The following CNTNAP4 variants were observed in gnomAD, a reference collection of about 807,000 sequenced individuals.
CNTNAP4 encodes contactin-associated protein-like 4.
In CNTNAP4, 98 loss-of-function variants were observed where a neutral mutation model predicts 148.4. The ratio of observed to expected loss-of-function variants is 0.66; its 90% CI spans 0.56 to 0.78. The LOEUF is 0.78. Ranked by LOEUF, CNTNAP4 falls within the 30% of genes least tolerant of loss-of-function variation. The pLI is 0.00. For synonymous variants in CNTNAP4, 730 were observed against 565.1 expected (o/e 1.29, Z -4.14); for missense variants, 1,935 against 1,565.6 (o/e 1.24, Z -3.98).
At chr16:76,400,030 G>C (rs1470275608) in intron 3 of CNTNAP4, among the ~76,000 whole-genome samples, 3 of 152,148 alleles carry the variant, frequency 2.0e-5, no homozygotes, top group African/African-American at 7.2e-5. Context: ...GATTTAGACA[G>C]GTTAGCATAT....
chr16:76,450,918 A>G (rs995528300), intron 7 of CNTNAP4, among the ~76,000 whole-genome samples: 5 of 152,234 alleles, frequency 3.3e-5, no homozygotes, highest in Non-Finnish European at 1.5e-5. Context: ...TGCGAGGATC[A>G]GAGAAGTCAT....
At chr16:76,489,198 T>C (rs1032990947) in intron 12 of CNTNAP4, among the ~76,000 whole-genome samples, 1 of 152,218 alleles carries the variant, frequency 6.6e-6, no homozygotes, top group Admixed American at 6.5e-5. Flanking sequence ...CATTATGTAA[T>C]ATAAATTATT....
At chr16:76,535,346 C>T (rs2084169136) in intron 17 of CNTNAP4, among the ~76,000 whole-genome samples, 199 bp from the exon 18 acceptor site, 1 of 152,040 alleles carries the variant, frequency 6.6e-6, no homozygotes, top group Non-Finnish European at 1.5e-5. Flanking sequence ...AAAAATGTAA[C>T]ATATTCAACT....
At chr16:76,468,753 C>G (rs2081264666) in intron 10 of CNTNAP4, among the ~76,000 whole-genome samples, 2 of 151,918 alleles carry the variant, frequency 1.3e-5, no homozygotes, top group African/African-American at 4.8e-5. Context: ...GTCACTGTGC[C>G]CAGCCAAAAA....
At chr16:76,452,898 A>G in intron 8 of CNTNAP4, 129 bp downstream of exon 8, 1 of 850,524 alleles carries the variant, frequency 1.2e-6, no homozygotes. Context: ...TAATAAGATT[A>G]TAAGTACTCT....
At chr16:76,472,860 T>G (rs542467036) in intron 10 of CNTNAP4, among the ~76,000 whole-genome samples, 1 of 152,222 alleles carries the variant, frequency 6.6e-6, no homozygotes, top group East Asian at 1.9e-4. Flanking sequence ...GGTACTAAGC[T>G]TTATACCTGG....
At chr16:76,460,486 G>T (rs1353285503) in intron 8 of CNTNAP4, among the ~76,000 whole-genome samples, 1 of 150,674 alleles carries the variant, frequency 6.6e-6, no homozygotes, top group African/African-American at 2.4e-5. Flanking sequence ...TTAGGGCCAG[G>T]CGCGGTGGCT....
rs188038918 is a variant in CNTNAP4, at chr16:76,311,106, A to G, written c.86-5307A>G. On this transcript the variant is annotated intron_variant, in intron 1 of 23. Coordinates refer to ENST00000611870, the MANE Select transcript of CNTNAP4 (RefSeq NM_033401.5). ...AATAATATATACCTATTATCTTAGT[A>G]CAGGTAATATTACACACAGATTAAG... Among the ~76,000 whole-genome samples, 541 of 152,290 alleles carry G rather than the reference A, an allele frequency of 3.6e-3. 5 individuals are homozygous for G. The highest frequency in any genetic ancestry group is 0.013 in the African/African-American group (533 of 41,572).
chr16:76,522,229 G>C lies in CNTNAP4; in HGVS notation c.2727G>C (p.Leu909=). The part of the protein sequence containing the change: ...TQPAPADGHV[L]LQLNSQLFVG... ...CCGCCCCCGCTGATGGGCATGTCCT[G>C]TTACAGCTCAACAGTCAGCTCTTCG... is the stretch of plus-strand genomic sequence containing the variant. Residue 909 remains leucine (L), a synonymous_variant, in exon 17 of 24, where the codon CTG becomes CTC. Coordinates refer to ENST00000611870, the MANE Select transcript of CNTNAP4 (RefSeq NM_033401.5). 6.2e-7 allele frequency: 1 copy of C among 1,613,874 alleles called. No homozygotes were observed.
At chr16:76,548,930 A>T (rs528134112) in intron 21 of CNTNAP4, among the ~76,000 whole-genome samples, 1 of 152,196 alleles carries the variant, frequency 6.6e-6, no homozygotes, top group Non-Finnish European at 1.5e-5. Context: ...CTTATGAGCA[A>T]CTTAATATAG....
chr16:76,547,305 T>C (rs1275100064), intron 21 of CNTNAP4, among the ~76,000 whole-genome samples: 2 of 152,204 alleles, frequency 1.3e-5, no homozygotes, highest in Non-Finnish European at 2.9e-5. Context: ...GATATTTACA[T>C]AATCTTATTA....
At chr16:76,377,836 G>C (rs2015572473) in intron 3 of CNTNAP4, among the ~76,000 whole-genome samples, 1 of 152,136 alleles carries the variant, frequency 6.6e-6, no homozygotes, top group Admixed American at 6.5e-5. Flanking sequence ...ATAGCATGTG[G>C]GAAAAGTTAG....
intron 3 of CNTNAP4, among the ~76,000 whole-genome samples, chr16:76,405,683 G>A (rs1179705634): frequency 6.6e-6 from 1 of 152,092 alleles, no homozygotes; most frequent in Non-Finnish European, 1.5e-5. Flanking sequence ...GAGAGGAGGG[G>A]TTGGTCTTGC....
intron 2 of CNTNAP4, among the ~76,000 whole-genome samples, chr16:76,333,372 A>G (rs1963712585): frequency 6.6e-6 from 1 of 152,180 alleles, no homozygotes; most frequent in Non-Finnish European, 1.5e-5. Context: ...TCTGCTGTTG[A>G]AGTCCTCTAG....
In CNTNAP4 at chr16:76,556,845, C is replaced by T. The variant is rs1473522129; in HGVS notation, c.3734-1645C>T. Among the ~76,000 whole-genome samples, 6 of 152,296 alleles carry T rather than the reference C, an allele frequency of 3.9e-5. No homozygotes were observed. The East Asian group carries it at 1.2e-3, about 29-fold the overall frequency. On this transcript the variant is annotated intron_variant, in intron 23 of 23. Coordinates refer to ENST00000611870, the MANE Select transcript of CNTNAP4 (RefSeq NM_033401.5). ...TAATCAGCAACGATTTTCTACCTGT[C>T]TCAGGTAAGGCTGACCTAGCCAAAA...
Position 76,521,172 on chromosome 16 carries a change from G to C in CNTNAP4, c.2398G>C (p.Glu800Gln). Residue 800 changes from glutamate to glutamine, a missense_variant, in exon 16 of 24, where the codon GAG becomes CAG. By Grantham distance (29) the Glu-to-Gln change is conservative. Coordinates refer to ENST00000611870, the MANE Select transcript of CNTNAP4 (RefSeq NM_033401.5). Reference protein sequence around the residue: ...SFWNSASFDTEASYLHFPTFH... With the variant: ...SFWNSASFDTQASYLHFPTFH... ...TTGGAATTCAGCTTCCTTTGATACC[G>C]AGGCTTCATATCTTCATTTTCCTAC... The C allele has an allele frequency of 6.2e-7, 1 of 1,601,428 alleles. No homozygotes were observed. The highest frequency in any genetic ancestry group is 8.5e-7 in the Non-Finnish European group (1 of 1,176,614).
chr16:76,309,947 A>G (rs745619311), intron 1 of CNTNAP4: 15 of 699,560 alleles, frequency 2.1e-5, no homozygotes, highest in South Asian at 1.8e-4. Flanking sequence ...CGTCTCGGGT[A>G]TGTCTTTATC....
At chr16:76,354,774 A>T (rs1014674855) in intron 2 of CNTNAP4, among the ~76,000 whole-genome samples, 1 of 152,206 alleles carries the variant, frequency 6.6e-6, no homozygotes, top group African/African-American at 2.4e-5. Flanking sequence ...TGTGGTTTTC[A>T]ACATCTGTCC....
rs554776397 is a variant in CNTNAP4 at position 76,437,082 on chromosome 16, C to T, written c.538+9483C>T. On this transcript the variant is annotated intron_variant, in intron 4 of 23. Coordinates refer to ENST00000611870, the MANE Select transcript of CNTNAP4 (RefSeq NM_033401.5). ...GCTGAGGAGCAAGGAAGCTAGTCCA[C>T]GTTTCAAAGCTGAAGAACTTGGAGT... Among the ~76,000 whole-genome samples, 6 of 151,934 alleles carry T rather than the reference C, an allele frequency of 3.9e-5. No individual in the cohort carries two copies. In the South Asian group the frequency reaches 6.2e-4, roughly 16 times the overall value.
Sources: gnomAD v4.1 joint callset for allele counts (sites outside exome capture counted in the v4.1 genomes callset) on GRCh38, gnomAD v4.1.1 for gene constraint, MANE v1.5 for transcripts, NCBI Gene and HGNC (gene_info 2026-07-23, HGNC 2026-07-21) for gene names.